The following SIPA1L2 variants were observed in gnomAD, a reference collection of about 807,000 sequenced individuals.
The protein encoded by SIPA1L2 is signal induced proliferation associated 1 like 2.
Under a neutral mutation model 163.9 loss-of-function variants are expected in SIPA1L2, and 56 were observed. The ratio of observed to expected loss-of-function variants is 0.34; its 90% confidence interval spans 0.28 to 0.43. The LOEUF (loss-of-function observed/expected upper bound fraction) is 0.43. Among genes scored for constraint, SIPA1L2 ranks in the 20% least tolerant of loss-of-function variants. SIPA1L2 has a pLI of 1.00. For synonymous variants in SIPA1L2, 877 were observed against 865.7 expected, an observed-to-expected ratio of 1.01 and a Z score of -0.23; for missense variants, 1,974 against 2,193.5, an observed-to-expected ratio of 0.90 and a Z score of 2.00.
At position 232,439,308 on chromosome 1, in the gene SIPA1L2, G is replaced by A. The variant is rs776443815; in HGVS notation, c.3831C>T (p.Ile1277=). 1 of 1,614,194 alleles carries A rather than the reference G, an allele frequency of 6.2e-7. No homozygotes were observed. The highest frequency in any genetic ancestry group is 2.2e-5 in the East Asian group (1 of 44,888). The part of the protein sequence containing the change: ...IDTAPCMPAT[I]LGPVHLAGSR... ...TGCCTGCCAGGTGCACAGGGCCGAG[G>A]ATGGTGGCAGGCATGCAGGGGGCCG... is the stretch of plus-strand genomic sequence containing the variant. The change falls in exon 15 of 23, where the codon ATC becomes ATT. Residue 1277 remains isoleucine (I), a synonymous_variant. Transcript: ENST00000674635.
intron 18 of SIPA1L2, among the ~76,000 whole-genome samples, chr1:232,423,897 G>C (rs2102806831): frequency 6.6e-6 from 1 of 152,192 alleles, no homozygotes; most frequent in East Asian, 1.9e-4. Context: ...GCTGCATACT[G>C]CATGATTCCA....
At chr1:232,416,904 T>C (rs1215285091) in intron 18 of SIPA1L2, among the ~76,000 whole-genome samples, 1 of 152,146 alleles carries the variant, frequency 6.6e-6, no homozygotes, top group African/African-American at 2.4e-5. Context: ...AGTGTTTATG[T>C]CATTAATAAT....
chr1:232,603,278 C>G (rs930372296), intron 1 of SIPA1L2, among the ~76,000 whole-genome samples: 3 of 152,176 alleles, frequency 2.0e-5, no homozygotes, highest in Admixed American at 2.0e-4. Flanking sequence ...CTAGGGACAG[C>G]TGGAGAAAGG....
intron 2 of SIPA1L2, among the ~76,000 whole-genome samples, chr1:232,515,879 T>C (rs12084000): frequency 0.87 from 132,121 of 152,198 alleles, 58,087 homozygotes; most frequent in Middle Eastern, 0.95. Context: ...AAGAATGTTG[T>C]GATCCCACAG....
chr1:232,411,793 TA>T (rs1660973415), intron 19 of SIPA1L2, among the ~76,000 whole-genome samples: 1 of 152,198 alleles, frequency 6.6e-6, no homozygotes, highest in Admixed American at 6.5e-5. Flanking sequence ...TTCATGATCC[TA>T]AAAAAATTGC....
chr1:232,402,440 G>A lies in SIPA1L2; in HGVS notation c.4974C>T (p.Val1658=), dbSNP rs1462884415. Residue 1658 remains valine, a synonymous_variant, in exon 22 of 23, where the codon GTC becomes GTT. Transcript: ENST00000674635. ...ERSPSPLTGK[V]NQLELILRQL... ...GTCGAAGAATTAATTCCAGCTGATTGACTTTCCCGGTCAGTGGTGATGGAG... is the reference window on the plus strand; with the variant it reads ...GTCGAAGAATTAATTCCAGCTGATTAACTTTCCCGGTCAGTGGTGATGGAG... The A allele has an allele frequency of 6.2e-7, 1 of 1,613,540 alleles. No individual in the cohort carries two copies. Among genetic ancestry groups the A allele is most frequent in the Admixed American group, 1.7e-5 (1 of 59,992 alleles).
chr1:232,529,755 C>T (rs1667883834), intron 2 of SIPA1L2, among the ~76,000 whole-genome samples: 1 of 152,194 alleles, frequency 6.6e-6, no homozygotes, highest in African/African-American at 2.4e-5. Context: ...TTCTCTCTTT[C>T]CTCAGCTAGG....
At chr1:232,507,851 G>T (rs955247434) in intron 3 of SIPA1L2, among the ~76,000 whole-genome samples, 2 of 152,176 alleles carry the variant, frequency 1.3e-5, no homozygotes, top group Non-Finnish European at 2.9e-5. Context: ...ACATGGAAGG[G>T]TGATCATCAA....
chr1:232,581,251 G>C (rs1660356200), intron 1 of SIPA1L2, among the ~76,000 whole-genome samples: 1 of 152,130 alleles, frequency 6.6e-6, no homozygotes, highest in African/African-American at 2.4e-5. Context: ...CCTTAGCTCG[G>C]TGACTAGTTC....
At chr1:232,463,820 CTGA>C (rs993884903) in intron 9 of SIPA1L2, among the ~76,000 whole-genome samples, 9 of 152,150 alleles carry the variant, frequency 5.9e-5, no homozygotes, top group Non-Finnish European at 1.0e-4. Flanking sequence ...TCACGTATAC[CTGA>C]TAATACTGTT....
chr1:232,558,328 G>A (rs2148325), intron 2 of SIPA1L2, among the ~76,000 whole-genome samples: 13,287 of 152,238 alleles, frequency 0.087, 624 homozygotes, highest in South Asian at 0.11. Context: ...TAGATGGGGA[G>A]TCCTCTCCTG....
At chr1:232,437,031 A>G (rs1006921039) in intron 15 of SIPA1L2, among the ~76,000 whole-genome samples, 30 of 152,216 alleles carry the variant, frequency 2.0e-4, no homozygotes, top group African/African-American at 7.0e-4. Flanking sequence ...CAGAAATCCA[A>G]TCTAGCACTG....
At chr1:232,435,111 TC>T (rs1198634266) in intron 15 of SIPA1L2, among the ~76,000 whole-genome samples, 1 of 152,170 alleles carries the variant, frequency 6.6e-6, no homozygotes, top group Non-Finnish European at 1.5e-5. Context: ...CCGAGATGTT[TC>T]GTTGTTAAAG....
intron 10 of SIPA1L2, among the ~76,000 whole-genome samples, chr1:232,460,477 T>C (rs1664173877): frequency 6.6e-6 from 1 of 152,148 alleles, no homozygotes; most frequent in South Asian, 2.1e-4. Context: ...TTTTAAATAA[T>C]CAATGGCTTC....
chr1:232,509,477 A>C, intron 3 of SIPA1L2, among the ~76,000 whole-genome samples: 1 of 152,198 alleles, frequency 6.6e-6, no homozygotes, highest in Non-Finnish European at 1.5e-5. Context: ...CCTTGAGAGA[A>C]GGGAAAAGCA....
At chr1:232,541,933 A>ATCTCTCTCTCT (rs1491165739) in intron 2 of SIPA1L2, among the ~76,000 whole-genome samples, 1 of 95,990 alleles carries the variant, frequency 1.0e-5, no homozygotes, top group African/African-American at 5.3e-5. Flanking sequence ...GCTGAGCCTT[A>ATCTCTCTCTCT]AATCTCTCTC....
intron 19 of SIPA1L2, among the ~76,000 whole-genome samples, chr1:232,412,449 C>T (rs1558154955): frequency 6.6e-6 from 1 of 152,162 alleles, no homozygotes; most frequent in South Asian, 2.1e-4. Flanking sequence ...TAAACAAGTA[C>T]ATGGACATGT....
intron 3 of SIPA1L2, among the ~76,000 whole-genome samples, chr1:232,507,026 G>A (rs559725999): frequency 2.0e-5 from 3 of 152,244 alleles, no homozygotes; most frequent in Admixed American, 1.3e-4. Context: ...TATGATGAAC[G>A]AATCAATACT....
chr1:232,483,016 G>C (rs1017956030), intron 6 of SIPA1L2, among the ~76,000 whole-genome samples: 2 of 149,944 alleles, frequency 1.3e-5, no homozygotes, highest in Admixed American at 1.3e-4. Flanking sequence ...TACTCTGCCT[G>C]CTATTTCAGA....
Sources: allele counts gnomAD v4.1 joint callset (sites outside exome capture counted in the v4.1 genomes callset), GRCh38; gene constraint gnomAD v4.1.1; transcripts MANE v1.5; gene names NCBI Gene and HGNC (gene_info 2026-07-23, HGNC 2026-07-21).